Variants in KIAA0586 observed in about 807,000 individuals in gnomAD.
KIAA0586 encodes the protein KIAA0586, also known as protein TALPID3.
In KIAA0586, 144 loss-of-function variants were observed where a neutral mutation model predicts 169.8. The ratio of observed to expected loss-of-function variants is 0.85; its 90% CI spans 0.74 to 0.97. The LOEUF is 0.97. Ranked by LOEUF, KIAA0586 falls within the 50% of genes least tolerant of loss-of-function variation. The pLI is 0.00. For missense variants in KIAA0586, 1,854 were observed against 1,823.0 expected, an observed-to-expected ratio of 1.02 and a Z score of -0.31; for synonymous variants, 625 against 612.4, an observed-to-expected ratio of 1.02 and a Z score of -0.30.
Position 58,482,621 on chromosome 14 carries a change from C to G in KIAA0586, c.3053C>G (p.Ala1018Gly). 1.2e-6 allele frequency: 2 copies of G among 1,609,218 alleles called. No homozygotes were observed. Among genetic ancestry groups the G allele is most frequent in the Middle Eastern group, 1.7e-4 (1 of 6,052 alleles). ...FVNEALAETI[A>G]VMLGDREAKK... ...AACGAAGCTCTTGCTGAGACCATTG[C>G]TGTCATGCTGGGTGACAGAGAAGCA... Residue 1018 changes from alanine to glycine, a missense_variant, in exon 21 of 31, where the codon GCT becomes GGT. Ala to Gly is a moderately conservative substitution (Grantham distance 60). Coordinates refer to ENST00000652326, the MANE Select transcript of KIAA0586 (RefSeq NM_001329943.3).
intron 9 of KIAA0586, among the ~76,000 whole-genome samples, chr14:58,453,816 T>G (rs1595161086): frequency 6.6e-6 from 1 of 152,164 alleles, no homozygotes; most frequent in African/African-American, 2.4e-5. Flanking sequence ...TAATGATTGT[T>G]GTAGTTAAAT....
At chr14:58,482,397 G>T in intron 20 of KIAA0586, 116 bp from the exon 21 acceptor site, 1 of 773,098 alleles carries the variant, frequency 1.3e-6, no homozygotes, top group East Asian at 3.1e-5. Flanking sequence ...TTGCACTCCA[G>T]CCTGGGTGAC....
At chr14:58,483,453 A>G (rs560406250) in intron 21 of KIAA0586, among the ~76,000 whole-genome samples, 1 of 152,302 alleles carries the variant, frequency 6.6e-6, no homozygotes, top group South Asian at 2.1e-4. Context: ...GCTTTCTTAC[A>G]TAACCAGAAT....
At chr14:58,480,164 C>CT (rs1014584066) in intron 20 of KIAA0586, among the ~76,000 whole-genome samples, 1 of 151,990 alleles carries the variant, frequency 6.6e-6, no homozygotes, top group Non-Finnish European at 1.5e-5. Context: ...GGTTGGCCTT[C>CT]TTTTGCCCTC....
intron 27 of KIAA0586, among the ~76,000 whole-genome samples, chr14:58,503,429 G>A (rs919907428): frequency 6.6e-6 from 1 of 152,164 alleles, no homozygotes; most frequent in East Asian, 1.9e-4. Flanking sequence ...GAATTAGCCA[G>A]ATGGTAAATT....
At position 58,503,434 on chromosome 14, in the gene KIAA0586, TA is replaced by T. The variant is rs1389689597; in HGVS notation, c.4168+4477del. ...AATCTTAAGGGAATTAGCCAGATGG[TA>T]AATTATGATAAGAATATTCCAGTTT... On this transcript the variant is annotated intron_variant, in intron 27 of 30. Transcript: ENST00000652326. Among the ~76,000 whole-genome samples the T allele has an allele frequency of 3.9e-5, 6 of 152,172 alleles. 1 individual carries two copies. Among genetic ancestry groups the T allele is most frequent in the Admixed American group, 3.9e-4 (6 of 15,284 alleles).
intron 29 of KIAA0586, among the ~76,000 whole-genome samples, chr14:58,513,896 T>G (rs1351097401): frequency 6.6e-6 from 1 of 152,076 alleles, no homozygotes; most frequent in Non-Finnish European, 1.5e-5. Flanking sequence ...TAGGAAAATG[T>G]CTCTGGTAAG....
In KIAA0586 at chr14:58,482,602, G is replaced by T; in HGVS notation, c.3034G>T (p.Ala1012Ser). 1 of 1,606,952 alleles carries T rather than the reference G, an allele frequency of 6.2e-7. No homozygotes were observed. Among genetic ancestry groups the T allele is most frequent in the African/African-American group, 1.3e-5 (1 of 74,660 alleles). The change falls in exon 21 of 31, where the codon GCT becomes TCT. Residue 1012 changes from alanine (A) to serine (S), a missense_variant. Ala to Ser is a moderately conservative substitution (Grantham distance 99, BLOSUM62 1). Transcript: ENST00000652326. Reference sequence around the variant, plus strand: ...TGTGATTAAACATTTTGTTAACGAAGCTCTTGCTGAGACCATTGCTGTCAT... The same window carrying T: ...TGTGATTAAACATTTTGTTAACGAATCTCTTGCTGAGACCATTGCTGTCAT... Reference protein sequence around the residue: ...SNVIKHFVNEALAETIAVMLG... With the variant: ...SNVIKHFVNESLAETIAVMLG...
chr14:58,452,547 T>C (rs1385939575), intron 8 of KIAA0586, among the ~76,000 whole-genome samples: 2 of 152,242 alleles, frequency 1.3e-5, no homozygotes, highest in African/African-American at 4.8e-5. Context: ...TATTGGTACT[T>C]TGAAGAAATA....
intron 29 of KIAA0586, among the ~76,000 whole-genome samples, chr14:58,514,872 C>T (rs1248330466): frequency 6.6e-6 from 1 of 151,956 alleles, no homozygotes; most frequent in East Asian, 1.9e-4. Flanking sequence ...TATTTTTCCC[C>T]CTTTGCTGTA....
rs1201581641 is a variant in KIAA0586, at chr14:58,458,513, G to A, written c.1624G>A (p.Glu542Lys). 6 of 1,544,854 alleles carry A rather than the reference G, an allele frequency of 3.9e-6. No individual in the cohort carries two copies. Among genetic ancestry groups the A allele is most frequent in the Non-Finnish European group, 4.4e-6 (5 of 1,142,462 alleles). Reference sequence around the variant, plus strand: ...AATTAGGATCAGAAAGACAGTGGATGAATGGATTAAAACTATTTCTGCAGA... The same window carrying A: ...AATTAGGATCAGAAAGACAGTGGATAAATGGATTAAAACTATTTCTGCAGA... ...EKIRIRKTVD[E>K]WIKTISAEIQ... Residue 542 changes from glutamate (E) to lysine (K), a missense_variant, in exon 12 of 31, where the codon GAA becomes AAA. By Grantham distance (56) the Glu-to-Lys change is moderately conservative (BLOSUM62 1). Transcript: ENST00000652326.
At chr14:58,502,428 C>G (rs752756691) in intron 27 of KIAA0586, among the ~76,000 whole-genome samples, 1 of 152,226 alleles carries the variant, frequency 6.6e-6, no homozygotes, top group Non-Finnish European at 1.5e-5. Context: ...GTGTGAGCCA[C>G]TGCGCCCAGC....
At chr14:58,500,131 A>G (rs1392407838) in intron 27 of KIAA0586, among the ~76,000 whole-genome samples, 2 of 152,240 alleles carry the variant, frequency 1.3e-5, no homozygotes, top group Admixed American at 6.5e-5. Flanking sequence ...TTCTGTGGTC[A>G]CCACAAACAT....
At chr14:58,435,202 G>A (rs1007839473) in intron 4 of KIAA0586, among the ~76,000 whole-genome samples, 3 of 152,168 alleles carry the variant, frequency 2.0e-5, no homozygotes, top group African/African-American at 7.2e-5. Context: ...CAGAGACAGT[G>A]CTCTTAACCA....
intron 29 of KIAA0586, among the ~76,000 whole-genome samples, chr14:58,514,617 A>G (rs936109435): frequency 2.6e-5 from 4 of 152,032 alleles, no homozygotes; most frequent in African/African-American, 7.2e-5. Context: ...GAACTTAGTA[A>G]AGTACTTAGT....
chr14:58,485,176 C>T (rs2042358555), intron 21 of KIAA0586, among the ~76,000 whole-genome samples: 1 of 150,754 alleles, frequency 6.6e-6, no homozygotes, highest in Non-Finnish European at 1.5e-5. Flanking sequence ...CCCATCTCAG[C>T]CTCCCAAAGT....
At chr14:58,527,696 C>G (rs2045687426) in intron 29 of KIAA0586, among the ~76,000 whole-genome samples, 1 of 152,174 alleles carries the variant, frequency 6.6e-6, no homozygotes, top group South Asian at 2.1e-4. Flanking sequence ...TACAAGAACT[C>G]CTGAAGGAAG....
chr14:58,475,772 A>G (rs1368659780), intron 19 of KIAA0586, among the ~76,000 whole-genome samples: 1 of 152,188 alleles, frequency 6.6e-6, no homozygotes, highest in East Asian at 1.9e-4. Flanking sequence ...GCAGGATACT[A>G]ACAATGTAAC....
intron 30 of KIAA0586, among the ~76,000 whole-genome samples, chr14:58,543,143 AAAAAG>A (rs1181664428): frequency 1.3e-5 from 2 of 151,412 alleles, no homozygotes; most frequent in African/African-American, 2.4e-5. Flanking sequence ...AAAAAAAAAA[AAAAAG>A]AAAAGAAACA....
Sources: allele counts gnomAD v4.1 joint callset (sites outside exome capture counted in the v4.1 genomes callset), GRCh38; gene constraint gnomAD v4.1.1; transcripts MANE v1.5; gene names NCBI Gene and HGNC (gene_info 2026-07-23, HGNC 2026-07-21).